Variants in MROH9 observed in about 807,000 individuals in gnomAD.
The protein encoded by MROH9 is maestro heat-like repeat-containing protein family member 9.
MROH9 carries 92 observed loss-of-function variants against 98.2 expected under a neutral mutation model. The observed-to-expected ratio is 0.94, with a 90% confidence interval of 0.79 to 1.11. The LOEUF is 1.11. Ranked by LOEUF, MROH9 falls within the 50% of genes most tolerant of loss-of-function variation. The pLI is 0.00. For synonymous variants in MROH9, 397 were observed against 368.9 expected (o/e 1.08, Z -0.87); for missense variants, 1,057 against 1,014.8 (o/e 1.04, Z -0.57).
rs1407756760 is a variant in MROH9 at position 170,990,019 on chromosome 1, C to A, written c.1028+16C>A. 1.3e-6 allele frequency: 2 copies of A among 1,597,872 alleles called. No homozygotes were observed. Among genetic ancestry groups the A allele is most frequent in the South Asian group, 2.2e-5 (2 of 89,468 alleles). On this transcript the variant is annotated intron_variant, in intron 11 of 21. Transcript: ENST00000367759. ...CAGCAGACGAGTAAGGCCCCCCAAC[C>A]CTCTGTCCCTTCCACAAGGGCTTGT... is the stretch of plus-strand genomic sequence containing the variant.
At chr1:170,946,297 A>G (rs1040922088) in intron 2 of MROH9, among the ~76,000 whole-genome samples, 1 of 152,022 alleles carries the variant, frequency 6.6e-6, no homozygotes, top group African/African-American at 2.4e-5. Context: ...AAAAAATCAG[A>G]TAAATCCAAA....
intron 9 of MROH9, 125 bp from the exon 10 acceptor site, chr1:170,986,436 T>C: frequency 1.2e-6 from 1 of 812,014 alleles, no homozygotes; most frequent in Non-Finnish European, 1.9e-6. Context: ...CAACAAGATG[T>C]ATATGGCCCA....
chr1:170,947,697 G>A, intron 3 of MROH9, 124 bp downstream of exon 3: 3 of 811,026 alleles, frequency 3.7e-6, no homozygotes, highest in East Asian at 2.8e-5. Flanking sequence ...GGGAGAAAGG[G>A]GAAAAAAAGG....
At position 170,996,601 on chromosome 1, in the gene MROH9, T is replaced by C. The variant is rs1557890716; in HGVS notation, c.1432T>C (p.Ser478Pro). 2 of 1,613,612 alleles carry C rather than the reference T, an allele frequency of 1.2e-6. No individual in the cohort carries two copies. Among genetic ancestry groups the C allele is most frequent in the Non-Finnish European group, 1.7e-6 (2 of 1,179,662 alleles). Residue 478 changes from serine (S) to proline (P), a missense_variant, in exon 14 of 22, where the codon TCT becomes CCT. Coordinates refer to ENST00000367759, the MANE Select transcript of MROH9 (RefSeq NM_001163629.2). Reference protein sequence around the residue: ...LMKENFWDQLSEDLCYYHGVC... With the variant: ...LMKENFWDQLPEDLCYYHGVC... The stretch of plus-strand genomic sequence containing the variant: ...GAAGGAGAATTTCTGGGACCAGTTA[T>C]CTGAAGATCTGTGTTACTATCATGG...
intron 3 of MROH9, among the ~76,000 whole-genome samples, chr1:170,952,138 T>C (rs1356049009): frequency 6.6e-6 from 1 of 151,824 alleles, no homozygotes; most frequent in Non-Finnish European, 1.5e-5. Context: ...AGGAACACTT[T>C]TACACTGTTG....
intron 14 of MROH9, 49 bp from the exon 15 acceptor site, chr1:170,998,105 G>T: frequency 7.2e-7 from 1 of 1,382,488 alleles, no homozygotes; most frequent in Non-Finnish European, 9.9e-7. Flanking sequence ...GCCACTATTA[G>T]CATGGTGTTT....
At position 171,024,660 on chromosome 1, in the gene MROH9, T is replaced by C; in HGVS notation, c.2073T>C (p.Tyr691=). ...TTTCTGTCTCACAGGCATGTAAATA[T>C]ACATTAAAAATCTGTACCTCACAAT... ...DDKRVAEACK[Y]TLKICTSQLK... The change falls in exon 19 of 22, where the codon TAT becomes TAC. Residue 691 remains tyrosine (Y), a synonymous_variant. Transcript: ENST00000367759. 2.6e-6 allele frequency: 4 copies of C among 1,549,846 alleles called. No homozygotes were observed. The highest frequency in any genetic ancestry group is 3.5e-6 in the Non-Finnish European group (4 of 1,145,596).
At chr1:170,986,537 C>T in intron 9 of MROH9, 24 bp from the exon 10 acceptor site, 1 of 1,607,054 alleles carries the variant, frequency 6.2e-7, no homozygotes, top group Non-Finnish European at 8.5e-7. Flanking sequence ...GGCCTGAGGT[C>T]ATGATTATCC....
At chr1:170,947,713 T>C in intron 3 of MROH9, 140 bp downstream of exon 3, 1 of 705,634 alleles carries the variant, frequency 1.4e-6, no homozygotes, top group South Asian at 2.0e-5. Context: ...AAAGGCAATT[T>C]GGTTAAAAAT....
intron 20 of MROH9, among the ~76,000 whole-genome samples, chr1:171,034,308 A>G (rs1653026737): frequency 6.6e-6 from 1 of 152,190 alleles, no homozygotes; most frequent in East Asian, 1.9e-4. Flanking sequence ...ATTCTTCTTG[A>G]AGACATTATT....
chr1:171,025,503 T>A, intron 20 of MROH9, 83 bp downstream of exon 20: 1 of 894,710 alleles, frequency 1.1e-6, no homozygotes, highest in African/African-American at 1.7e-5. Context: ...TCTTACATTT[T>A]TTTTAATGTC....
At chr1:171,054,185 T>A (rs1316468481) in intron 20 of MROH9, among the ~76,000 whole-genome samples, 1 of 152,154 alleles carries the variant, frequency 6.6e-6, no homozygotes. Flanking sequence ...AGAAGCTTAA[T>A]TTTTAGACCA....
intron 7 of MROH9, among the ~76,000 whole-genome samples, chr1:170,967,399 G>T (rs1571458588): frequency 1.3e-5 from 2 of 152,182 alleles, no homozygotes; most frequent in East Asian, 1.9e-4. Context: ...AAATTAATTG[G>T]GGAGGCAAAT....
intron 15 of MROH9, among the ~76,000 whole-genome samples, chr1:171,010,679 T>C (rs1652119636): frequency 2.0e-5 from 3 of 152,232 alleles, no homozygotes; most frequent in Non-Finnish European, 4.4e-5. Flanking sequence ...ATTTCTCTAA[T>C]GACCAGTGAT....
At chr1:171,001,247 G>A (rs1051914102) in intron 15 of MROH9, among the ~76,000 whole-genome samples, 11 of 151,772 alleles carry the variant, frequency 7.2e-5, no homozygotes, top group Middle Eastern at 3.2e-3. Context: ...ATTACATTCA[G>A]TTCTGCTGTG....
At chr1:170,983,887 C>T (rs549700037) in intron 9 of MROH9, among the ~76,000 whole-genome samples, 1 of 152,162 alleles carries the variant, frequency 6.6e-6, no homozygotes, top group Admixed American at 6.6e-5. Context: ...AGTTAACAGA[C>T]TTTCCAATAC....
Position 170,959,471 on chromosome 1 carries a change from T to C in MROH9, c.162T>C (p.Asp54=). Residue 54 remains aspartate (D), a synonymous_variant, in exon 5 of 22, where the codon GAT becomes GAC. Coordinates refer to ENST00000367759, the MANE Select transcript of MROH9 (RefSeq NM_001163629.2). The part of the protein sequence containing the change: ...MILAVNSSFV[D]PLLQFESQLK... The stretch of plus-strand genomic sequence containing the variant: ...TCCTTTTTCTTGTCAGCTTTGTGGA[T>C]CCCTTACTGCAGTTTGAATCTCAGT... The C allele has an allele frequency of 6.2e-7, 1 of 1,602,202 alleles. No individual in the cohort carries two copies.
intron 20 of MROH9, among the ~76,000 whole-genome samples, chr1:171,029,366 T>C (rs890465921): frequency 3.3e-5 from 5 of 152,012 alleles, no homozygotes; most frequent in Non-Finnish European, 5.9e-5. Context: ...TGTGCCACCA[T>C]GCCCAGCTAA....
chr1:170,954,915 C>A (rs779464414), intron 3 of MROH9, among the ~76,000 whole-genome samples: 1 of 151,964 alleles, frequency 6.6e-6, no homozygotes, highest in South Asian at 2.1e-4. Flanking sequence ...CACCCATCAT[C>A]TGAGCAGTAT....
Sources: allele counts gnomAD v4.1 joint callset (sites outside exome capture counted in the v4.1 genomes callset), GRCh38; gene constraint gnomAD v4.1.1; transcripts MANE v1.5; gene names NCBI Gene and HGNC (gene_info 2026-07-23, HGNC 2026-07-21).